The following BTBD10 variants were observed in gnomAD, a reference collection of about 807,000 sequenced individuals.
The protein encoded by BTBD10 is BTB domain containing 10, also known as BTB/POZ domain-containing protein 10.
A neutral mutation model predicts 53.2 loss-of-function variants in BTBD10; 21 were observed. The observed-to-expected ratio is 0.39, with a 90% CI of 0.28 to 0.57. BTBD10 has a LOEUF of 0.57. BTBD10 is among the 20% of genes least tolerant of loss of function. The probability of loss-of-function intolerance (pLI) is 0.53; values close to 1 mark genes in which losing one functional copy is unlikely to be tolerated. For synonymous variants in BTBD10, 149 were observed against 192.7 expected, an observed-to-expected ratio of 0.77 and a Z score of 1.88; for missense variants, 360 against 594.7, an observed-to-expected ratio of 0.61 and a Z score of 4.10.
intron 2 of BTBD10, among the ~76,000 whole-genome samples, chr11:13,429,754 G>A (rs955701029): frequency 3.9e-5 from 6 of 151,998 alleles, no homozygotes; most frequent in South Asian, 2.1e-4. Context: ...AGAGCAAACC[G>A]ACAACTGAAC....
chr11:13,408,710 TGAA>T (rs1949878249), intron 6 of BTBD10, among the ~76,000 whole-genome samples: 1 of 152,172 alleles, frequency 6.6e-6, no homozygotes, highest in African/African-American at 2.4e-5. Flanking sequence ...CACATTCAAT[TGAA>T]GAGGAAATTC....
chr11:13,449,368 T>C (rs754163771), intron 1 of BTBD10, among the ~76,000 whole-genome samples: 7 of 152,044 alleles, frequency 4.6e-5, no homozygotes, highest in Non-Finnish European at 1.0e-4. Flanking sequence ...TCCTGTTTCA[T>C]ATATGAGGAA....
chr11:13,411,452 T>C (rs1300930086), intron 6 of BTBD10, among the ~76,000 whole-genome samples: 1 of 152,210 alleles, frequency 6.6e-6, no homozygotes, highest in Non-Finnish European at 1.5e-5. Flanking sequence ...CTTCAAATTC[T>C]ATATAGTTTT....
chr11:13,412,536 T>C (rs972448096), intron 6 of BTBD10, among the ~76,000 whole-genome samples: 3 of 152,182 alleles, frequency 2.0e-5, no homozygotes, highest in African/African-American at 4.8e-5. Context: ...TAACAATCTA[T>C]TGGACAATCT....
intron 1 of BTBD10, among the ~76,000 whole-genome samples, chr11:13,453,913 G>T (rs907346364): frequency 1.3e-5 from 2 of 152,106 alleles, no homozygotes; most frequent in African/African-American, 2.4e-5. Context: ...TTAGCCAGGC[G>T]TGTTGGCGGG....
At chr11:13,419,766 G>C (rs761925907) in intron 3 of BTBD10, 21 bp from the exon 4 acceptor site, 1 of 1,504,924 alleles carries the variant, frequency 6.6e-7, no homozygotes, top group Non-Finnish European at 9.0e-7. Context: ...GATGTTAGAC[G>C]AAGTTATGCA....
chr11:13,415,492 T>C (rs886500005), intron 5 of BTBD10, among the ~76,000 whole-genome samples: 4 of 151,552 alleles, frequency 2.6e-5, no homozygotes, highest in African/African-American at 7.3e-5. Context: ...CAACAGCACC[T>C]CCTCCCTGCT....
intron 2 of BTBD10, chr11:13,440,253 GACGTTTCT>G (rs1950620670): frequency 8.1e-7 from 1 of 1,238,240 alleles, no homozygotes; most frequent in South Asian, 1.7e-5. Context: ...GTGCAGCACT[GACGTTTCT>G]AACAAAACAG....
intron 1 of BTBD10, among the ~76,000 whole-genome samples, chr11:13,449,614 T>G (rs1364397246): frequency 6.6e-6 from 1 of 152,204 alleles, no homozygotes; most frequent in East Asian, 1.9e-4. Flanking sequence ...TCTGTTGCTG[T>G]AACAGAATAT....
intron 1 of BTBD10, among the ~76,000 whole-genome samples, chr11:13,451,998 G>A (rs1416394436): frequency 3.3e-5 from 5 of 151,970 alleles, no homozygotes; most frequent in Non-Finnish European, 5.9e-5. Context: ...ATGGCATATG[G>A]AGATAACAAA....
chr11:13,423,090 C>T (rs1285176903), intron 2 of BTBD10, among the ~76,000 whole-genome samples: 1 of 152,110 alleles, frequency 6.6e-6, no homozygotes, highest in Non-Finnish European at 1.5e-5. Flanking sequence ...ACTAGTGTAT[C>T]ACTAGTGTCC....
intron 2 of BTBD10, among the ~76,000 whole-genome samples, chr11:13,443,018 T>C (rs1950687438): frequency 6.6e-6 from 1 of 152,092 alleles, no homozygotes; most frequent in Non-Finnish European, 1.5e-5. Flanking sequence ...AATTCACTGG[T>C]ATTTATTTTC....
intron 8 of BTBD10, among the ~76,000 whole-genome samples, chr11:13,401,367 C>G (rs937883650): frequency 1.3e-5 from 2 of 152,026 alleles, no homozygotes; most frequent in African/African-American, 4.8e-5. Context: ...CATTTATTTA[C>G]TATTTGAGAA....
chr11:13,408,490 C>T (rs553467116), intron 6 of BTBD10, among the ~76,000 whole-genome samples: 92 of 152,310 alleles, frequency 6.0e-4, no homozygotes, highest in African/African-American at 2.1e-3. Context: ...TGATGACTCC[C>T]ACTTATATCT....
intron 1 of BTBD10, among the ~76,000 whole-genome samples, chr11:13,448,569 T>G (rs1261598535): frequency 1.3e-5 from 2 of 152,204 alleles, no homozygotes; most frequent in Non-Finnish European, 2.9e-5. Flanking sequence ...TGACTTCTTT[T>G]TCATTTCCCC....
At chr11:13,429,829 C>T (rs918755238) in intron 2 of BTBD10, among the ~76,000 whole-genome samples, 22 of 152,144 alleles carry the variant, frequency 1.4e-4, no homozygotes, top group East Asian at 5.8e-4. Context: ...AGAGGCTGTG[C>T]GCAGTGATTC....
chr11:13,398,949 G>A (rs1240455953), intron 8 of BTBD10, among the ~76,000 whole-genome samples: 7 of 152,156 alleles, frequency 4.6e-5, no homozygotes, highest in Non-Finnish European at 8.8e-5. Context: ...TGGGTTACCC[G>A]ACCTTTCTCT....
intron 6 of BTBD10, among the ~76,000 whole-genome samples, chr11:13,412,490 C>T (rs1013303431): frequency 9.2e-5 from 14 of 152,098 alleles, no homozygotes; most frequent in South Asian, 4.1e-4. Context: ...AACCCAGCAA[C>T]GTTGTTCAAA....
intron 2 of BTBD10, 102 bp from the exon 3 acceptor site, chr11:13,421,940 C>T (rs1950249992): frequency 2.3e-6 from 2 of 857,792 alleles, no homozygotes; most frequent in Non-Finnish European, 3.3e-6. Flanking sequence ...TCTTGAAGTG[C>T]AAAAATCAAA....
Sources: allele counts gnomAD v4.1 joint callset (sites outside exome capture counted in the v4.1 genomes callset), GRCh38; gene constraint gnomAD v4.1.1; transcripts MANE v1.5; gene names NCBI Gene and HGNC (gene_info 2026-07-23, HGNC 2026-07-21).